SPMIP4: variants seen among roughly 807,000 people sequenced by gnomAD.
The protein encoded by SPMIP4 is sperm microtubule inner protein 4.
At chr7:25,163,378 T>A in the SPMIP4 span, among the ~76,000 whole-genome samples, 1 of 152,204 alleles carries the variant, frequency 6.6e-6, no homozygotes, top group Non-Finnish European at 1.5e-5. This position sits in a 1 kb window ranked among gnomAD's most constrained non-coding sequence, Gnocchi z 4.4. Context: ...TCATTCTTTT[T>A]AACTTGCTTT....
At chr7:25,135,979 T>G in the SPMIP4 span, 2 of 1,589,346 alleles carry the variant, frequency 1.3e-6, no homozygotes, top group Non-Finnish European at 1.7e-6. Context: ...ATCTCAATTA[T>G]AGAAATAATA....
the SPMIP4 span, chr7:25,125,940 G>C: frequency 2.0e-6 from 2 of 985,278 alleles, no homozygotes; most frequent in African/African-American, 3.5e-5. Context: ...TGAGGAAGGT[G>C]CTGCATTTGC....
the SPMIP4 span, among the ~76,000 whole-genome samples, chr7:25,137,693 C>G: frequency 1.3e-5 from 2 of 152,150 alleles, no homozygotes; most frequent in Admixed American, 1.3e-4. Flanking sequence ...TGCAGCATGT[C>G]TACCTCTAAA....
chr7:25,148,540 C>T, the SPMIP4 span, among the ~76,000 whole-genome samples: 213 of 140,312 alleles, frequency 1.5e-3, 1 homozygote, highest in South Asian at 6.2e-3. Context: ...AGTGGTGCCA[C>T]CTCGGGTCAC....
At chr7:25,125,900 C>G in the SPMIP4 span, 1 of 985,312 alleles carries the variant, frequency 1.0e-6, no homozygotes, top group Non-Finnish European at 1.2e-6. Flanking sequence ...AGTCACATTC[C>G]AGCTCTCCGC....
At chr7:25,173,159 G>C in the SPMIP4 span, among the ~76,000 whole-genome samples, 1 of 152,048 alleles carries the variant, frequency 6.6e-6, no homozygotes, top group African/African-American at 2.4e-5. This position sits in a 1 kb window ranked among gnomAD's most constrained non-coding sequence, Gnocchi z 4.4. Context: ...AAGAGGTATG[G>C]ACTGTGGAGC....
the SPMIP4 span, among the ~76,000 whole-genome samples, chr7:25,158,347 C>T: frequency 3.3e-5 from 4 of 120,524 alleles, no homozygotes; most frequent in Admixed American, 2.2e-4. Flanking sequence ...CCAGCCTGGG[C>T]GACAAAGTGA....
chr7:25,137,960 T>G, the SPMIP4 span, among the ~76,000 whole-genome samples: 1 of 152,232 alleles, frequency 6.6e-6, no homozygotes, highest in African/African-American at 2.4e-5. Context: ...TAAAACCACT[T>G]GGGTCTAGAC....
At chr7:25,148,956 A>G in the SPMIP4 span, among the ~76,000 whole-genome samples, 5 of 152,266 alleles carry the variant, frequency 3.3e-5, no homozygotes, top group African/African-American at 1.2e-4. Context: ...AGTGACCTAT[A>G]GAAAACAGAA....
the SPMIP4 span, among the ~76,000 whole-genome samples, chr7:25,163,836 C>A: frequency 3.3e-5 from 5 of 152,148 alleles, no homozygotes; most frequent in Non-Finnish European, 7.4e-5. The surrounding 1 kb of genome is among the most constrained non-coding windows in gnomAD (Gnocchi z 4.4). Context: ...CCCTTCTCAC[C>A]GTGCCTCTGC....
chr7:25,133,382 T>G, the SPMIP4 span, among the ~76,000 whole-genome samples: 1 of 152,330 alleles, frequency 6.6e-6, no homozygotes, highest in East Asian at 1.9e-4. Flanking sequence ...CAAGTTGTCT[T>G]CTGTAAATGA....
chr7:25,136,641 A>G, the SPMIP4 span: 1 of 1,614,176 alleles, frequency 6.2e-7, no homozygotes, highest in South Asian at 1.1e-5. The surrounding 1 kb of genome is among the most constrained non-coding windows in gnomAD (Gnocchi z 5.7). Context: ...GTACAAAGGT[A>G]TGAAAATTAC....
At chr7:25,154,104 G>A in the SPMIP4 span, among the ~76,000 whole-genome samples, 1 of 152,198 alleles carries the variant, frequency 6.6e-6, no homozygotes, top group Non-Finnish European at 1.5e-5. Flanking sequence ...TACTCATGCA[G>A]TCTGACTCTA....
the SPMIP4 span, among the ~76,000 whole-genome samples, chr7:25,152,194 T>C: frequency 6.6e-6 from 1 of 152,198 alleles, no homozygotes; most frequent in Non-Finnish European, 1.5e-5. Flanking sequence ...AACAAATACA[T>C]TTCTATATTA....
At chr7:25,173,548 G>T in the SPMIP4 span, among the ~76,000 whole-genome samples, 588 of 152,314 alleles carry the variant, frequency 3.9e-3, 5 homozygotes, top group African/African-American at 0.013. The surrounding 1 kb of genome is among the most constrained non-coding windows in gnomAD (Gnocchi z 4.4). Context: ...GCTAGGCAAG[G>T]AGAGTCCTGG....
the SPMIP4 span, among the ~76,000 whole-genome samples, chr7:25,147,789 C>T: frequency 6.6e-6 from 1 of 152,006 alleles, no homozygotes; most frequent in Non-Finnish European, 1.5e-5. Flanking sequence ...TACGATGTAC[C>T]AATATTGTGC....
At chr7:25,177,992 T>C in the SPMIP4 span, among the ~76,000 whole-genome samples, 441 of 152,342 alleles carry the variant, frequency 2.9e-3, 2 homozygotes, top group Middle Eastern at 0.044. Flanking sequence ...TTGGTGTCTG[T>C]GGTTCCCTTC....
chr7:25,152,418 A>G, the SPMIP4 span, among the ~76,000 whole-genome samples: 115 of 152,332 alleles, frequency 7.5e-4, no homozygotes, highest in African/African-American at 2.6e-3. Flanking sequence ...TTCATATGTA[A>G]TAAGAACAAG....
chr7:25,166,448 G>A, the SPMIP4 span, among the ~76,000 whole-genome samples: 91 of 152,238 alleles, frequency 6.0e-4, no homozygotes, highest in Non-Finnish European at 1.1e-3. Context: ...TTAGCTGGGC[G>A]TGGTGGCGGA....
Sources: allele counts gnomAD v4.1 joint callset (sites outside exome capture counted in the v4.1 genomes callset), GRCh38; gene constraint gnomAD v4.1.1; non-coding constraint Gnocchi (gnomAD v3.1); transcripts MANE v1.5; gene names NCBI Gene and HGNC (gene_info 2026-07-23, HGNC 2026-07-21).